Variants in LRBA observed in about 807,000 individuals in gnomAD.
LRBA encodes the protein lipopolysaccharide-responsive and beige-like anchor protein.
Under a neutral mutation model 330.0 loss-of-function variants are expected in LRBA, and 176 were observed. The observed-to-expected ratio is 0.53, with a 90% confidence interval of 0.47 to 0.60. The LOEUF is 0.60. Ranked by LOEUF, LRBA falls within the 20% of genes least tolerant of loss-of-function variation. LRBA has a pLI of 0.00. For synonymous variants in LRBA, 1,230 were observed against 1,193.0 expected, an observed-to-expected ratio of 1.03 and a Z score of -0.64; for missense variants, 3,259 against 3,444.8, an observed-to-expected ratio of 0.95 and a Z score of 1.35.
At chr4:150,541,370 G>T (rs981778732) in intron 40 of LRBA, among the ~76,000 whole-genome samples, 1 of 152,142 alleles carries the variant, frequency 6.6e-6, no homozygotes, top group African/African-American at 2.4e-5. Context: ...GAAAAACTGG[G>T]ACAGGAGAAG....
At chr4:150,904,800 T>A (rs972742894) in intron 13 of LRBA, among the ~76,000 whole-genome samples, 1 of 152,090 alleles carries the variant, frequency 6.6e-6, no homozygotes, top group Non-Finnish European at 1.5e-5. Flanking sequence ...TCAGCAGCTG[T>A]TTTTCTCTTT....
At chr4:150,746,451 T>C (rs968361355) in intron 35 of LRBA, among the ~76,000 whole-genome samples, 5 of 152,074 alleles carry the variant, frequency 3.3e-5, no homozygotes, top group East Asian at 1.9e-4. Context: ...ACAGATCCAA[T>C]AGACCAAGTA....
intron 53 of LRBA, among the ~76,000 whole-genome samples, chr4:150,299,689 A>G (rs1729407749): frequency 6.6e-6 from 1 of 152,038 alleles, no homozygotes; most frequent in Non-Finnish European, 1.5e-5. Context: ...CCTAGAAAGT[A>G]AAATGACTAC....
intron 31 of LRBA, among the ~76,000 whole-genome samples, chr4:150,814,348 A>G (rs1471365171): frequency 1.3e-5 from 2 of 152,030 alleles, no homozygotes; most frequent in African/African-American, 4.8e-5. Flanking sequence ...GGGCAAGTAT[A>G]GTAGGCAAAA....
In LRBA at chr4:150,321,365, G is replaced by T; in HGVS notation, c.7456C>A (p.Pro2486Thr). 6.3e-7 allele frequency: 1 copy of T among 1,594,036 alleles called. No homozygotes were observed. The highest frequency in any genetic ancestry group is 8.5e-7 in the Non-Finnish European group (1 of 1,173,586). ...PPRGSAMQVS[P>T]LMFTDKAQQD... ...TGGGCTTTGTCTGTGAACATCAATG[G>T]ACTCTGCAGGAGGAGATACTGTTGA... The change falls in exon 50 of 57, where the codon CCA becomes ACA. Residue 2486 changes from proline (P) to threonine (T), a missense_variant. Pro to Thr is a conservative substitution (Grantham distance 38). Transcript: ENST00000651943. This position sits in a 1 kb window ranked among gnomAD's most constrained non-coding sequence, Gnocchi z 4.5.
chr4:150,661,958 A>G (rs1213527192), intron 37 of LRBA, among the ~76,000 whole-genome samples: 1 of 152,120 alleles, frequency 6.6e-6, no homozygotes, highest in African/African-American at 2.4e-5. Context: ...GTATCTCCAC[A>G]TGATTCCTAT....
chr4:150,675,485 G>A (rs527941521), intron 37 of LRBA, among the ~76,000 whole-genome samples: 6 of 152,020 alleles, frequency 3.9e-5, no homozygotes, highest in African/African-American at 1.2e-4. Context: ...TTGAGAGGCC[G>A]AGACAGGTGG....
intron 34 of LRBA, among the ~76,000 whole-genome samples, chr4:150,775,992 C>A (rs550210992): frequency 1.4e-4 from 22 of 151,790 alleles, no homozygotes; most frequent in Non-Finnish European, 2.8e-4. Context: ...TTAGCTCTGG[C>A]ATAAATACAT....
intron 40 of LRBA, among the ~76,000 whole-genome samples, chr4:150,549,848 A>G (rs969915135): frequency 6.6e-6 from 1 of 152,166 alleles, no homozygotes; most frequent in African/African-American, 2.4e-5. Context: ...TTCCAGGGAG[A>G]GATTCTGATT....
intron 37 of LRBA, among the ~76,000 whole-genome samples, chr4:150,635,974 T>A (rs1777860487): frequency 1.3e-5 from 2 of 152,194 alleles, no homozygotes; most frequent in Non-Finnish European, 1.5e-5. Flanking sequence ...CAATTTGGGT[T>A]TAACTCATAT....
intron 37 of LRBA, among the ~76,000 whole-genome samples, chr4:150,656,416 T>A (rs1315165496): frequency 6.6e-6 from 1 of 152,190 alleles, no homozygotes; most frequent in Non-Finnish European, 1.5e-5. Context: ...TGGGTTTTGT[T>A]TTCTTTCTTT....
chr4:150,769,107 T>A (rs1339009989), intron 34 of LRBA, among the ~76,000 whole-genome samples: 3 of 151,672 alleles, frequency 2.0e-5, no homozygotes, highest in Non-Finnish European at 2.9e-5. Flanking sequence ...CAGCTAATTT[T>A]TTATTATTAT....
intron 53 of LRBA, among the ~76,000 whole-genome samples, chr4:150,300,848 T>C (rs1474905785): frequency 1.3e-5 from 2 of 152,108 alleles, no homozygotes. Context: ...TACATACAAG[T>C]GTAGCTAATA....
At chr4:150,566,385 A>G (rs1187657486) in intron 40 of LRBA, among the ~76,000 whole-genome samples, 1 of 152,096 alleles carries the variant, frequency 6.6e-6, no homozygotes, top group Admixed American at 6.6e-5. Context: ...TACTTTCATG[A>G]CCTCTGAAGA....
intron 47 of LRBA, among the ~76,000 whole-genome samples, chr4:150,357,831 G>A (rs1477228035): frequency 2.0e-5 from 3 of 151,872 alleles, no homozygotes; most frequent in African/African-American, 4.8e-5. Flanking sequence ...AAATTTAAAG[G>A]GAGATATCAC....
intron 53 of LRBA, among the ~76,000 whole-genome samples, chr4:150,286,846 A>G (rs911188347): frequency 1.4e-4 from 21 of 152,352 alleles, no homozygotes; most frequent in Non-Finnish European, 2.1e-4. Context: ...GGAACCCATC[A>G]TGACTAAGTA....
intron 49 of LRBA, among the ~76,000 whole-genome samples, chr4:150,325,348 A>G (rs1359965796): frequency 6.6e-6 from 1 of 152,134 alleles, no homozygotes; most frequent in African/African-American, 2.4e-5. Context: ...CCAAACCATC[A>G]TTTTTCTCCT....
At chr4:150,495,298 T>C (rs1199978578) in intron 40 of LRBA, among the ~76,000 whole-genome samples, 1 of 152,162 alleles carries the variant, frequency 6.6e-6, no homozygotes, top group African/African-American at 2.4e-5. Flanking sequence ...TCAAACCTGA[T>C]ATAAATGGTA....
rs1002574315 is a variant in LRBA at position 150,964,140 on chromosome 4, G to A, written c.217-35075C>T. On this transcript the variant is annotated intron_variant, in intron 2 of 56. Coordinates refer to ENST00000651943, the MANE Select transcript of LRBA (RefSeq NM_001364905.1). Reference sequence around the variant, plus strand: ...GTCCAGGAGGTGGGGGGCAGCCCCCGCCCGGCCAGCTGCCCCGTCTGGGAG... The same window carrying A: ...GTCCAGGAGGTGGGGGGCAGCCCCCACCCGGCCAGCTGCCCCGTCTGGGAG... Among the ~76,000 whole-genome samples the A allele has an allele frequency of 8.1e-5, 12 of 147,372 alleles. 2 individuals carry two copies. Among genetic ancestry groups the A allele is most frequent in the African/African-American group, 2.9e-4 (11 of 37,640 alleles).
Sources: allele counts gnomAD v4.1 joint callset (sites outside exome capture counted in the v4.1 genomes callset), GRCh38; gene constraint gnomAD v4.1.1; non-coding constraint Gnocchi (gnomAD v3.1); transcripts MANE v1.5; gene names NCBI Gene and HGNC (gene_info 2026-07-23, HGNC 2026-07-21).